TASP1: variants seen among roughly 807,000 people sequenced by gnomAD.
The protein encoded by TASP1 is threonine aspartase 1.
TASP1 carries 16 observed loss-of-function variants against 56.6 expected under a neutral mutation model. The ratio of observed to expected loss-of-function variants is 0.28; its 90% confidence interval spans 0.19 to 0.43. The LOEUF (loss-of-function observed/expected upper bound fraction) is 0.43. Among genes scored for constraint, TASP1 ranks in the 20% least tolerant of loss-of-function variants. The pLI is 1.00. For missense variants in TASP1, 393 were observed against 511.6 expected, an observed-to-expected ratio of 0.77 and a Z score of 2.24; for synonymous variants, 179 against 184.2, an observed-to-expected ratio of 0.97 and a Z score of 0.23.
At chr20:13,148,977 T>C in the TASP1 span, among the ~76,000 whole-genome samples, 9 of 152,366 alleles carry the variant, frequency 5.9e-5, no homozygotes, top group East Asian at 1.5e-3. Context: ...GATAAGCTTA[T>C]CTCTAATTTA....
At chr20:13,299,267 C>T in the TASP1 span, 42 of 1,608,856 alleles carry the variant, frequency 2.6e-5, no homozygotes, top group Non-Finnish European at 3.2e-5. This position sits in a 1 kb window ranked among gnomAD's most constrained non-coding sequence, Gnocchi z 5.8. Flanking sequence ...AGGGGGCGGG[C>T]ACGCCCAACC....
chr20:13,628,051 T>A (rs1334592190), intron 2 of TASP1, among the ~76,000 whole-genome samples: 1 of 152,204 alleles, frequency 6.6e-6, no homozygotes, highest in Non-Finnish European at 1.5e-5. Flanking sequence ...ACTTAACTTC[T>A]CCACTTTGGA....
chr20:13,587,290 A>G lies in TASP1; in HGVS notation c.363T>C (p.Asp121=). The change falls in exon 5 of 14, where the codon GAT becomes GAC. Residue 121 remains aspartate (D), a synonymous_variant. Coordinates refer to ENST00000337743, the MANE Select transcript of TASP1 (RefSeq NM_017714.3). ...GEIECDASIM[D]GKSLNFGAVG... ...CTGCTCCAAAATTTAAGGATTTTCC[A>G]TCCATTATGCTGGCATCACACTCAA... 2 of 1,613,180 alleles carry G rather than the reference A, an allele frequency of 1.2e-6. No individual in the cohort carries two copies. The highest frequency in any genetic ancestry group is 1.3e-5 in the African/African-American group (1 of 74,986).
chr20:13,207,285 A>G, the TASP1 span, among the ~76,000 whole-genome samples: 1 of 152,224 alleles, frequency 6.6e-6, no homozygotes, highest in Non-Finnish European at 1.5e-5. Flanking sequence ...CAAGAAATAT[A>G]CAAAGTCTCT....
chr20:13,308,531 G>T, the TASP1 span, among the ~76,000 whole-genome samples: 1 of 151,928 alleles, frequency 6.6e-6, no homozygotes, highest in South Asian at 2.1e-4. Flanking sequence ...CACTCCTGAG[G>T]GCCTGTTTTT....
the TASP1 span, among the ~76,000 whole-genome samples, chr20:13,152,700 T>C: frequency 6.6e-6 from 1 of 152,172 alleles, no homozygotes; most frequent in Admixed American, 6.5e-5. Flanking sequence ...TTCCAACTGA[T>C]TAAGACTGGC....
chr20:13,395,103 C>A (rs2041473233), intron 13 of TASP1, among the ~76,000 whole-genome samples: 1 of 152,186 alleles, frequency 6.6e-6, no homozygotes, highest in South Asian at 2.1e-4. Flanking sequence ...GAAAACTGCA[C>A]ACAACTTAAT....
intron 13 of TASP1, among the ~76,000 whole-genome samples, chr20:13,408,182 T>C (rs1286035973): frequency 1.3e-5 from 2 of 152,280 alleles, no homozygotes; most frequent in African/African-American, 4.8e-5. Context: ...AAGAAATTCA[T>C]AGTTTTAGCT....
chr20:13,632,467 T>G (rs2049133777), intron 1 of TASP1, among the ~76,000 whole-genome samples: 1 of 152,084 alleles, frequency 6.6e-6, no homozygotes, highest in Non-Finnish European at 1.5e-5. Context: ...GGCATCTTAA[T>G]ATATATGAGA....
At chr20:13,224,550 C>G in the TASP1 span, among the ~76,000 whole-genome samples, 1 of 152,150 alleles carries the variant, frequency 6.6e-6, no homozygotes, top group Non-Finnish European at 1.5e-5. Context: ...TCCTTCTTCA[C>G]AATCAGAAAA....
chr20:13,111,284 G>C, the TASP1 span, among the ~76,000 whole-genome samples: 10 of 152,122 alleles, frequency 6.6e-5, no homozygotes, highest in African/African-American at 1.2e-4. Flanking sequence ...CCAGCCCAGA[G>C]AGTATGTACT....
the TASP1 span, among the ~76,000 whole-genome samples, chr20:13,194,530 A>G: frequency 6.8e-6 from 1 of 147,076 alleles, no homozygotes; most frequent in South Asian, 2.2e-4. Context: ...TGAGTCAATA[A>G]TGTCACCAAG....
chr20:13,581,223 G>A (rs1185798027), intron 5 of TASP1, among the ~76,000 whole-genome samples: 4 of 152,116 alleles, frequency 2.6e-5, no homozygotes, highest in Non-Finnish European at 5.9e-5. Context: ...GTTTTGTCAC[G>A]TGCTATAGAA....
chr20:13,571,811 T>C (rs1217338330), intron 6 of TASP1, among the ~76,000 whole-genome samples: 3 of 152,204 alleles, frequency 2.0e-5, no homozygotes, highest in African/African-American at 7.2e-5. Context: ...CTTATTGCTC[T>C]TACCTCCTTG....
At chr20:13,520,403 C>T (rs749752351) in intron 10 of TASP1, among the ~76,000 whole-genome samples, 8 of 152,044 alleles carry the variant, frequency 5.3e-5, no homozygotes, top group African/African-American at 1.2e-4. Flanking sequence ...CAAAACAGCA[C>T]GGTACTGGTA....
At chr20:13,409,081 T>C (rs2042014209) in intron 13 of TASP1, among the ~76,000 whole-genome samples, 1 of 152,122 alleles carries the variant, frequency 6.6e-6, no homozygotes, top group Non-Finnish European at 1.5e-5. Flanking sequence ...CATAAGTATT[T>C]AAGGACATAC....
the TASP1 span, chr20:13,164,685 AT>A: frequency 1.7e-6 from 2 of 1,166,564 alleles, no homozygotes; most frequent in Non-Finnish European, 2.5e-6. Context: ...CTTGCTATTA[AT>A]CTGGGCTCTG....
At chr20:13,311,446 A>T in the TASP1 span, among the ~76,000 whole-genome samples, 1 of 152,216 alleles carries the variant, frequency 6.6e-6, no homozygotes, top group African/African-American at 2.4e-5. Context: ...ATATATCCAA[A>T]GAAAATTAAA....
At chr20:13,262,466 T>C in the TASP1 span, among the ~76,000 whole-genome samples, 1 of 140,804 alleles carries the variant, frequency 7.1e-6, no homozygotes, top group Non-Finnish European at 1.6e-5. Context: ...TTTCTTTTTC[T>C]TTTTTTTTTT....
Sources: gnomAD v4.1 joint callset for allele counts (sites outside exome capture counted in the v4.1 genomes callset) on GRCh38, gnomAD v4.1.1 for gene constraint, Gnocchi (gnomAD v3.1) non-coding constraint, MANE v1.5 for transcripts, NCBI Gene and HGNC (gene_info 2026-07-23, HGNC 2026-07-21) for gene names.